Variants in RCN2 observed in about 807,000 individuals in gnomAD.
The protein encoded by RCN2 is reticulocalbin 2, also known as reticulocalbin-2.
In RCN2, 23 loss-of-function variants were observed where a neutral mutation model predicts 37.5. The observed-to-expected ratio is 0.61, with a 90% confidence interval of 0.44 to 0.87. The LOEUF (loss-of-function observed/expected upper bound fraction) is 0.87. RCN2 is among the 40% of genes least tolerant of loss of function. The pLI is 0.00. For synonymous variants in RCN2, 140 were observed against 144.6 expected (o/e 0.97, Z 0.23); for missense variants, 381 against 390.4 (o/e 0.98, Z 0.20).
rs1221110565 is a variant in RCN2, at chr15:76,952,350, T to A, written c.*3128T>A. On this transcript the variant is annotated 3_prime_UTR_variant, in exon 7 of 7. Transcript: ENST00000394885. The stretch of plus-strand genomic sequence containing the variant: ...TTCCCTTGCCCTAAAGTCTTTCTGC[T>A]CCACCTATTCATCCCTCCCTTCCCT... 1 of 151,894 alleles carries A rather than the reference T, an allele frequency of 6.6e-6. No individual in the cohort carries two copies. Among genetic ancestry groups the A allele is most frequent in the Non-Finnish European group, 1.5e-5 (1 of 68,002 alleles). 9.4% of individuals were successfully genotyped at this position (151,894 alleles called of 1,614,324 possible). A position where few individuals can be genotyped will look rare whatever the true frequency, so the allele number is the denominator to read the frequency against.
rs1696511052 is a variant in RCN2 at position 76,935,713 on chromosome 15, C to A, written c.438C>A (p.Ser146=). Reference sequence around the variant, plus strand: ...CTCTGGATGATGCAGAAGAGGAGTCCTTTAGGAAGGTGAGTTCATGTGCAC... The same window carrying A: ...CTCTGGATGATGCAGAAGAGGAGTCATTTAGGAAGGTGAGTTCATGTGCAC... The part of the protein sequence containing the change: ...NTALDDAEEE[S]FRKLHLKDKK... The change falls in exon 3 of 7, where the codon TCC becomes TCA. Residue 146 remains serine (S), a synonymous_variant. Transcript: ENST00000394885. 1 of 1,609,730 alleles carries A rather than the reference C, an allele frequency of 6.2e-7. No individual in the cohort carries two copies. The highest frequency in any genetic ancestry group is 1.1e-5 in the South Asian group (1 of 90,408).
chr15:76,938,888 C>T (rs1387800496), intron 3 of RCN2: 7 of 423,568 alleles, frequency 1.7e-5, no homozygotes, highest in Non-Finnish European at 3.5e-5. Flanking sequence ...CCATTCAGGC[C>T]AGGTGTGGTG....
intron 2 of RCN2, among the ~76,000 whole-genome samples, chr15:76,932,728 C>A (rs1596001218): frequency 1.3e-5 from 2 of 152,150 alleles, no homozygotes; most frequent in Admixed American, 6.5e-5. Context: ...CTCTTTCTCA[C>A]GTGACTTTTG....
At chr15:76,932,597 A>G (rs2075229227) in intron 2 of RCN2, 131 bp downstream of exon 2, 1 of 664,040 alleles carries the variant, frequency 1.5e-6, no homozygotes, top group African/African-American at 1.8e-5. Flanking sequence ...GACATGGAGA[A>G]TAGGCTTTAT....
intron 3 of RCN2, among the ~76,000 whole-genome samples, chr15:76,935,986 A>G (rs980911495): frequency 7.2e-5 from 11 of 152,170 alleles, no homozygotes; most frequent in Non-Finnish European, 1.6e-4. Flanking sequence ...TTGCTTTTTA[A>G]ATGTGTTTTG....
rs60194309 is a variant in RCN2, at chr15:76,954,039, G to GTTTTTTT, written c.*4824_*4830dup. ...TCCTTACCAACACTTGCTATTTTCT[G>GTTTTTTT]TTTTTTTTTTTTTCTTTTTTTTTTT... On this transcript the variant is annotated 3_prime_UTR_variant, in exon 7 of 7. Coordinates refer to ENST00000394885, the MANE Select transcript of RCN2 (RefSeq NM_002902.3). The GTTTTTTT allele has an allele frequency of 7.6e-5, 10 of 131,008 alleles. No homozygotes were observed. The highest frequency in any genetic ancestry group is 1.3e-4 in the Non-Finnish European group (8 of 62,432). The allele number at this position is 131,008 out of a possible 1,614,324, so 8.1% of individuals were successfully genotyped here.
In RCN2 at chr15:76,931,874, G is replaced by T. The variant is rs1218021868; in HGVS notation, c.33G>T (p.Gly11=). The T allele has an allele frequency of 7.7e-7, 1 of 1,305,992 alleles. No individual in the cohort carries two copies. The highest frequency in any genetic ancestry group is 2.0e-5 in the South Asian group (1 of 49,348). The allele number at this position is 1,305,992 out of a possible 1,614,324, so 80.9% of individuals were successfully genotyped here. Residue 11 remains glycine, a synonymous_variant, in exon 1 of 7, where the codon GGG becomes GGT. Coordinates refer to ENST00000394885, the MANE Select transcript of RCN2 (RefSeq NM_002902.3). MRLGPRTAAL[G]LLLLCAAAAG... Reference sequence around the variant, plus strand: ...TGGGCCCGAGGACCGCGGCGTTGGGGCTGCTGCTGCTGTGCGCCGCCGCGG... The same window carrying T: ...TGGGCCCGAGGACCGCGGCGTTGGGTCTGCTGCTGCTGTGCGCCGCCGCGG...
Position 76,950,375 on chromosome 15 carries a change from T to A in RCN2, c.*1153T>A, listed in dbSNP as rs2075314827. On this transcript the variant is annotated 3_prime_UTR_variant, in exon 7 of 7. Coordinates refer to ENST00000394885, the MANE Select transcript of RCN2 (RefSeq NM_002902.3). ...TTTTCTAGTTCTGATGTACAGAGAT[T>A]GTTTTTCATTCTTTTTTTTTTTTTT... 6.7e-6 allele frequency: 1 copy of A among 150,182 alleles called. No homozygotes were observed. Among genetic ancestry groups the A allele is most frequent in the African/African-American group, 2.5e-5 (1 of 40,716 alleles). The allele number at this position is 150,182 out of a possible 1,614,324, so 9.3% of individuals were successfully genotyped here.
At chr15:76,941,942 G>T (rs1484232223) in intron 3 of RCN2, 6 of 310,662 alleles carry the variant, frequency 1.9e-5, no homozygotes, top group Admixed American at 4.9e-5. Flanking sequence ...AAAAGAACTT[G>T]ATTGACTCAG....
In RCN2 at chr15:76,931,853, C is replaced by A; in HGVS notation, c.12C>A (p.Gly4=). The A allele has an allele frequency of 7.9e-7, 1 of 1,268,334 alleles. No homozygotes were observed. The highest frequency in any genetic ancestry group is 9.9e-7 in the Non-Finnish European group (1 of 1,010,070). 78.6% of individuals were successfully genotyped at this position (1,268,334 alleles called of 1,614,324 possible). MRL[G]PRTAALGLLL... is the part of the protein sequence containing the mutation. ...CGCGGGCCGGCGCGATGCGGCTGGGCCCGAGGACCGCGGCGTTGGGGCTGC... is the reference window on the plus strand; with the variant it reads ...CGCGGGCCGGCGCGATGCGGCTGGGACCGAGGACCGCGGCGTTGGGGCTGC... Residue 4 remains glycine (G), a synonymous_variant, in exon 1 of 7, where the codon GGC becomes GGA. Coordinates refer to ENST00000394885, the MANE Select transcript of RCN2 (RefSeq NM_002902.3).
intron 1 of RCN2, 79 bp from the exon 2 acceptor site, chr15:76,932,282 T>C (rs2075227220): frequency 2.6e-6 from 3 of 1,139,704 alleles, no homozygotes; most frequent in South Asian, 1.3e-5. Flanking sequence ...GGGGGTCTTC[T>C]AGTAGCCCTG....
chr15:76,932,821 A>C (rs2075230343), intron 2 of RCN2, among the ~76,000 whole-genome samples: 1 of 152,328 alleles, frequency 6.6e-6, no homozygotes, highest in Non-Finnish European at 1.5e-5. Flanking sequence ...CTTTTGATAT[A>C]TGCTTCATTT....
intron 4 of RCN2, among the ~76,000 whole-genome samples, chr15:76,945,636 A>G (rs968998352): frequency 2.6e-5 from 4 of 152,222 alleles, no homozygotes; most frequent in Non-Finnish European, 5.9e-5. Flanking sequence ...CTAAACATTT[A>G]TATTGAAGTC....
Position 76,935,511 on chromosome 15 carries a change from G to A in RCN2, c.251-15G>A, listed in dbSNP as rs1272994273. On this transcript the variant is annotated splice_polypyrimidine_tract_variant and intron_variant, in intron 2 of 6. Transcript: ENST00000394885. ...ATTAACGTCACATGCGTTGTGTTCT[G>A]GGAAATTCTCATAGGTGAACTCAGT... 1 of 1,598,946 alleles carries A rather than the reference G, an allele frequency of 6.3e-7. No homozygotes were observed. The highest frequency in any genetic ancestry group is 8.5e-7 in the Non-Finnish European group (1 of 1,170,794).
In RCN2 at chr15:76,951,183, A is replaced by C. The variant is rs2075319110; in HGVS notation, c.*1961A>C. ...ATATTTCAATCCTTTGCAGAAATGC[A>C]ATGTCTGTACTACTTTCCTTCCTAG... On this transcript the variant is annotated 3_prime_UTR_variant, in exon 7 of 7. Transcript: ENST00000394885. The C allele has an allele frequency of 1.3e-5, 2 of 152,278 alleles. No homozygotes were observed. 9.4% of individuals were successfully genotyped at this position (152,278 alleles called of 1,614,324 possible).
chr15:76,931,846 G>T lies in RCN2; in HGVS notation c.5G>T (p.Arg2Leu). M[R>L]LGPRTAALGL... ...TGTCCTCCGCGGGCCGGCGCGATGC[G>T]GCTGGGCCCGAGGACCGCGGCGTTG... The change falls in exon 1 of 7, where the codon CGG becomes CTG. Residue 2 changes from arginine (R) to leucine (L), a missense_variant. Arg to Leu is a moderately radical substitution (Grantham distance 102). Transcript: ENST00000394885. The T allele has an allele frequency of 8.0e-7, 1 of 1,248,320 alleles. No individual in the cohort carries two copies. The highest frequency in any genetic ancestry group is 1.0e-6 in the Non-Finnish European group (1 of 1,000,504). The allele number at this position is 1,248,320 out of a possible 1,614,324, so 77.3% of individuals were successfully genotyped here.
intron 1 of RCN2, 130 bp from the exon 2 acceptor site, chr15:76,932,231 C>T (rs898971587): frequency 1.8e-5 from 14 of 776,442 alleles, no homozygotes; most frequent in South Asian, 1.1e-4. Flanking sequence ...GGGTAGGGGC[C>T]TTGAAGTGCA....
Position 76,931,771 on chromosome 15 carries a change from C to G in RCN2, c.-71C>G. 2 of 1,134,300 alleles carry G rather than the reference C, an allele frequency of 1.8e-6. No homozygotes were observed. The highest frequency in any genetic ancestry group is 2.2e-6 in the Non-Finnish European group (2 of 911,666). 70.3% of individuals were successfully genotyped at this position (1,134,300 alleles called of 1,614,324 possible). ...CGCCTCTCTGTAGCCGCCCGCGGAG[C>G]ATCGCAGCCGGCCCGGGCCCCCGCC... is the stretch of plus-strand genomic sequence containing the variant. On this transcript the variant is annotated 5_prime_UTR_variant, in exon 1 of 7. Transcript: ENST00000394885.
chr15:76,941,688 A>C (rs200469558), intron 3 of RCN2: 7 of 1,477,224 alleles, frequency 4.7e-6, no homozygotes, highest in Non-Finnish European at 6.4e-6. Flanking sequence ...TCTTCGATTT[A>C]ATGTGAGCTA....
Sources: allele counts gnomAD v4.1 joint callset (sites outside exome capture counted in the v4.1 genomes callset), GRCh38; gene constraint gnomAD v4.1.1; transcripts MANE v1.5; gene names NCBI Gene and HGNC (gene_info 2026-07-23, HGNC 2026-07-21).